The following PAG1 variants were observed in gnomAD, a reference collection of about 807,000 sequenced individuals.
PAG1 encodes phosphoprotein membrane anchor with glycosphingolipid microdomains 1.
A neutral mutation model predicts 31.7 loss-of-function variants in PAG1; 23 were observed. That is an observed-to-expected ratio of 0.73 (90% CI 0.52 to 1.03). The LOEUF is 1.03. PAG1 is among the 50% of genes least tolerant of loss of function. The pLI, the probability that PAG1 is intolerant of heterozygous loss-of-function variation, is 0.00. For missense variants in PAG1, 473 were observed against 540.7 expected, an observed-to-expected ratio of 0.87 and a Z score of 1.24; for synonymous variants, 214 against 210.3, an observed-to-expected ratio of 1.02 and a Z score of -0.15.
intron 1 of PAG1, among the ~76,000 whole-genome samples, chr8:81,088,470 T>C (rs1274334307): frequency 1.3e-5 from 2 of 152,134 alleles, no homozygotes; most frequent in African/African-American, 2.4e-5. Flanking sequence ...TTAGGACAAA[T>C]TGCAAAATGA....
chr8:80,994,628 G>A (rs943008493), intron 3 of PAG1, among the ~76,000 whole-genome samples: 1 of 152,166 alleles, frequency 6.6e-6, no homozygotes, highest in Non-Finnish European at 1.5e-5. Flanking sequence ...TGTCCATCAA[G>A]GAAAGCTCGT....
At chr8:81,107,079 T>C (rs949001510) in intron 1 of PAG1, among the ~76,000 whole-genome samples, 1 of 152,296 alleles carries the variant, frequency 6.6e-6, no homozygotes, top group Non-Finnish European at 1.5e-5. Context: ...TGCAAGTATG[T>C]GACACTAAAC....
intron 3 of PAG1, among the ~76,000 whole-genome samples, chr8:81,002,857 A>G (rs1183061544): frequency 6.6e-6 from 1 of 152,228 alleles, no homozygotes; most frequent in Non-Finnish European, 1.5e-5. Context: ...GAAATGTTTC[A>G]AGAGAGACTA....
chr8:81,056,657 C>T (rs1446382284), intron 2 of PAG1, among the ~76,000 whole-genome samples: 8 of 152,056 alleles, frequency 5.3e-5, no homozygotes, highest in Middle Eastern at 3.2e-3. Context: ...GACATAGGCA[C>T]GGGCAAGGAC....
At chr8:81,026,677 A>G (rs1272008197) in intron 3 of PAG1, among the ~76,000 whole-genome samples, 2 of 152,046 alleles carry the variant, frequency 1.3e-5, no homozygotes, top group Admixed American at 6.5e-5. Context: ...GAAAGGAACA[A>G]GCAGGCAGGA....
intron 2 of PAG1, among the ~76,000 whole-genome samples, chr8:81,066,568 A>G (rs1216624662): frequency 6.6e-6 from 1 of 152,224 alleles, no homozygotes; most frequent in Non-Finnish European, 1.5e-5. Context: ...TTCCCAAAGT[A>G]CAATACAATA....
In PAG1 at chr8:80,985,046, G is replaced by A. The variant is rs755208971; in HGVS notation, c.606C>T (p.Gly202=). 3.7e-6 allele frequency: 6 copies of A among 1,614,076 alleles called. No individual in the cohort carries two copies. In the South Asian group the frequency reaches 5.5e-5, roughly 15 times the overall value. The change falls in exon 7 of 9, where the codon GGC becomes GGT. Residue 202 remains glycine, a synonymous_variant. Transcript: ENST00000220597. ...AAAHLEKGHS[G]KAKSTSASKE... ...TCGAGGCAGAAGTAGATTTTGCCTT[G>A]CCACTGTGGCCTTTCTCCAGGTGTG...
At chr8:81,109,961 T>C (rs952050764) in intron 1 of PAG1, among the ~76,000 whole-genome samples, 12 of 152,214 alleles carry the variant, frequency 7.9e-5, no homozygotes, top group Admixed American at 4.6e-4. Flanking sequence ...CTTCTAGAGA[T>C]AAGCACTGGA....
intron 3 of PAG1, among the ~76,000 whole-genome samples, chr8:80,995,118 A>G (rs1435341488): frequency 1.3e-5 from 2 of 152,230 alleles, no homozygotes; most frequent in African/African-American, 4.8e-5. Flanking sequence ...AAACACTGTC[A>G]CATTTATTTG....
At chr8:81,103,867 C>CT (rs1326426514) in intron 1 of PAG1, among the ~76,000 whole-genome samples, 2 of 152,178 alleles carry the variant, frequency 1.3e-5, no homozygotes, top group African/African-American at 4.8e-5. Context: ...AACTGAGGCA[C>CT]TTCATGCACC....
chr8:81,065,569 C>A (rs1049691637), intron 2 of PAG1, among the ~76,000 whole-genome samples: 1 of 152,106 alleles, frequency 6.6e-6, no homozygotes, highest in Non-Finnish European at 1.5e-5. Flanking sequence ...GACTCTCCAG[C>A]CAGTTCTACT....
chr8:80,978,674 T>A (rs1807234156), intron 8 of PAG1, among the ~76,000 whole-genome samples: 1 of 152,368 alleles, frequency 6.6e-6, no homozygotes, highest in South Asian at 2.1e-4. Flanking sequence ...TTCATTAACT[T>A]GCAATTTAAT....
In PAG1 at chr8:81,111,658, G is replaced by A. The variant is rs1056903419; in HGVS notation, c.-301C>T. 6.6e-6 allele frequency: 1 copy of A among 152,396 alleles called. No individual in the cohort carries two copies. Among genetic ancestry groups the A allele is most frequent in the Non-Finnish European group, 1.5e-5 (1 of 68,214 alleles). 9.4% of individuals were successfully genotyped at this position (152,396 alleles called of 1,614,324 possible). A position where few individuals can be genotyped will look rare whatever the true frequency, so the allele number is the denominator to read the frequency against. On this transcript the variant is annotated 5_prime_UTR_variant, in exon 1 of 9. Transcript: ENST00000220597. ...GGAGGCAGCCTCTGCAAACTCCGGC[G>A]CGCAGCGCCGCCGCCCCGGCACAGC...
chr8:81,084,714 A>C (rs1275077825), intron 1 of PAG1, among the ~76,000 whole-genome samples: 1 of 152,208 alleles, frequency 6.6e-6, no homozygotes, highest in Non-Finnish European at 1.5e-5. Flanking sequence ...TATTATCTCA[A>C]AAATTTTCTT....
rs1807162929 is a variant in PAG1, at chr8:80,975,602, A to C, written c.*942T>G. 6.6e-6 allele frequency: 1 copy of C among 152,188 alleles called. No homozygotes were observed. Among genetic ancestry groups the C allele is most frequent in the Non-Finnish European group, 1.5e-5 (1 of 68,032 alleles). 9.4% of individuals were successfully genotyped at this position (152,188 alleles called of 1,614,324 possible). On this transcript the variant is annotated 3_prime_UTR_variant, in exon 9 of 9. Transcript: ENST00000220597. ...CCATGGGAAATACACATTCATGTCCACAGCCCTTCAGCGATGGATGCATGG... is the reference window on the plus strand; with the variant it reads ...CCATGGGAAATACACATTCATGTCCCCAGCCCTTCAGCGATGGATGCATGG...
intron 2 of PAG1, among the ~76,000 whole-genome samples, chr8:81,045,408 C>T (rs1267771808): frequency 6.6e-6 from 1 of 152,192 alleles, no homozygotes; most frequent in African/African-American, 2.4e-5. Flanking sequence ...ATAGATGTGT[C>T]TGGATAAAGC....
chr8:81,075,250 G>C (rs1011279674), intron 1 of PAG1, among the ~76,000 whole-genome samples: 3 of 152,224 alleles, frequency 2.0e-5, no homozygotes, highest in Admixed American at 2.0e-4. Context: ...AATAGTCAGG[G>C]TTTTGTATCT....
rs78586835 is a variant in PAG1 at position 81,073,298 on chromosome 8, C to T, written c.-233-3128G>A. Among the ~76,000 whole-genome samples, 894 of 152,308 alleles carry T rather than the reference C, an allele frequency of 5.9e-3. 7 individuals carry two copies. The highest frequency in any genetic ancestry group is 9.8e-3 in the Non-Finnish European group (665 of 68,022). On this transcript the variant is annotated intron_variant, in intron 1 of 8. Transcript: ENST00000220597. ...GTCCCAAGTGAGTATGACAATGCTA[C>T]GGAGTGCAGAGCAGTGTCGGGTGGT... is the stretch of plus-strand genomic sequence containing the variant.
At chr8:81,002,450 C>T (rs1807803019) in intron 3 of PAG1, among the ~76,000 whole-genome samples, 1 of 152,200 alleles carries the variant, frequency 6.6e-6, no homozygotes, top group Non-Finnish European at 1.5e-5. Flanking sequence ...GATGCTTGAT[C>T]TGGGAAAAGT....
Sources: gnomAD v4.1 joint callset for allele counts (sites outside exome capture counted in the v4.1 genomes callset) on GRCh38, gnomAD v4.1.1 for gene constraint, MANE v1.5 for transcripts, NCBI Gene and HGNC (gene_info 2026-07-23, HGNC 2026-07-21) for gene names.